The following CDYL2 variants were observed in gnomAD, a reference collection of about 807,000 sequenced individuals.
The protein encoded by CDYL2 is chromodomain Y like 2, also known as chromodomain Y-like protein 2.
CDYL2 carries 23 observed loss-of-function variants against 49.4 expected under a neutral mutation model. That is an observed-to-expected ratio of 0.47 (90% CI 0.34 to 0.66). The LOEUF is 0.66. Among genes scored for constraint, CDYL2 ranks in the 30% least tolerant of loss-of-function variants. CDYL2 has a pLI of 0.01. For missense variants in CDYL2, 678 were observed against 656.4 expected, an observed-to-expected ratio of 1.03 and a Z score of -0.36; for synonymous variants, 360 against 268.8, an observed-to-expected ratio of 1.34 and a Z score of -3.32.
chr16:80,642,487 T>C (rs780651070), intron 2 of CDYL2, among the ~76,000 whole-genome samples: 11 of 152,228 alleles, frequency 7.2e-5, no homozygotes, highest in East Asian at 1.9e-4. Flanking sequence ...TGTTTCTTTA[T>C]GCAAATAGTG....
chr16:80,634,810 A>G (rs936335887), intron 2 of CDYL2, among the ~76,000 whole-genome samples: 1 of 152,198 alleles, frequency 6.6e-6, no homozygotes, highest in African/African-American at 2.4e-5. Context: ...AAAAAAAGAA[A>G]TTGAAGGAAT....
intron 1 of CDYL2, among the ~76,000 whole-genome samples, chr16:80,705,753 C>A (rs185046769): frequency 1.6e-3 from 241 of 152,366 alleles, no homozygotes; most frequent in African/African-American, 5.6e-3. Context: ...GCAAACACAG[C>A]CACAGACAAT....
chr16:80,722,480 C>T (rs1264960084), intron 1 of CDYL2, among the ~76,000 whole-genome samples: 1 of 152,228 alleles, frequency 6.6e-6, no homozygotes, highest in Non-Finnish European at 1.5e-5. Context: ...GGATGAGACA[C>T]CTTATCGAGC....
intron 1 of CDYL2, among the ~76,000 whole-genome samples, chr16:80,785,791 G>T (rs1392557433): frequency 6.6e-6 from 1 of 152,028 alleles, no homozygotes; most frequent in African/African-American, 2.4e-5. Flanking sequence ...CAGAAAATAG[G>T]CCTCAGAAAT....
chr16:80,738,943 T>C (rs1024242047), intron 1 of CDYL2, among the ~76,000 whole-genome samples: 10 of 152,230 alleles, frequency 6.6e-5, no homozygotes, highest in African/African-American at 2.4e-4. Context: ...TTGACCACTA[T>C]TGTCTTCAGC....
intron 6 of CDYL2, among the ~76,000 whole-genome samples, chr16:80,606,617 G>C (rs1032432166): frequency 3.3e-5 from 5 of 152,094 alleles, no homozygotes; most frequent in Non-Finnish European, 7.3e-5. Flanking sequence ...CTAACCCCAG[G>C]GTGATCAACC....
At chr16:80,802,496 T>TGTTTCAA (rs1907956376) in intron 1 of CDYL2, among the ~76,000 whole-genome samples, 1 of 152,238 alleles carries the variant, frequency 6.6e-6, no homozygotes, top group Non-Finnish European at 1.5e-5. Context: ...ACCAAGGCGC[T>TGTTTCAA]TGGGTGATCC....
At chr16:80,716,450 A>G (rs1181194904) in intron 1 of CDYL2, among the ~76,000 whole-genome samples, 2 of 151,686 alleles carry the variant, frequency 1.3e-5, no homozygotes, top group Non-Finnish European at 2.9e-5. Flanking sequence ...GGATGGATGC[A>G]TGGATGGATG....
intron 1 of CDYL2, among the ~76,000 whole-genome samples, chr16:80,728,815 G>T (rs1284006023): frequency 2.0e-5 from 3 of 151,854 alleles, no homozygotes; most frequent in South Asian, 2.1e-4. Flanking sequence ...TTAAAGAAAA[G>T]AATTTTCAAC....
chr16:80,701,870 C>T (rs1904302981), intron 1 of CDYL2, among the ~76,000 whole-genome samples: 1 of 152,140 alleles, frequency 6.6e-6, no homozygotes. Flanking sequence ...TGAGAAGGCA[C>T]TTCTACAATA....
chr16:80,784,431 G>A (rs895652887), intron 1 of CDYL2, among the ~76,000 whole-genome samples: 1 of 152,126 alleles, frequency 6.6e-6, no homozygotes, highest in African/African-American at 2.4e-5. Context: ...TTAACTAAAA[G>A]TAGTGTCCAA....
intron 2 of CDYL2, among the ~76,000 whole-genome samples, chr16:80,674,592 G>A (rs923494653): frequency 3.3e-5 from 5 of 152,068 alleles, no homozygotes; most frequent in African/African-American, 9.7e-5. Flanking sequence ...ATGAAATGCC[G>A]TACCCATTAG....
chr16:80,637,021 G>A (rs4889179), intron 2 of CDYL2, among the ~76,000 whole-genome samples: 17,758 of 152,100 alleles, frequency 0.12, 1,480 homozygotes, highest in Admixed American at 0.28. Flanking sequence ...CATGGATACA[G>A]GGAGAGGAAC....
intron 1 of CDYL2, among the ~76,000 whole-genome samples, chr16:80,704,013 A>C (rs1359208378): frequency 2.0e-5 from 3 of 152,196 alleles, no homozygotes; most frequent in African/African-American, 4.8e-5. Context: ...GGAAGTGTGC[A>C]TGTTGCTGGA....
At position 80,670,882 on chromosome 16, in the gene CDYL2, C is replaced by T. The variant is rs76515952; in HGVS notation, c.616+13656G>A. 1.3e-3 allele frequency: 592 copies of T among 455,762 alleles called. 2 individuals are homozygous for T. The highest frequency in any genetic ancestry group is 1.9e-3 in the Non-Finnish European group (437 of 226,718). The allele number at this position is 455,762 out of a possible 1,614,324, so 28.2% of individuals were successfully genotyped here. A position where few individuals can be genotyped will look rare whatever the true frequency, so the allele number is the denominator to read the frequency against. On this transcript the variant is annotated intron_variant, in intron 2 of 6. Coordinates refer to ENST00000570137, the MANE Select transcript of CDYL2 (RefSeq NM_152342.4). The stretch of plus-strand genomic sequence containing the variant: ...CTCTATACACAGCATAGTCAGGTTG[C>T]GCACGAGGAAGATAAAAGGGGCTCT...
chr16:80,733,353 T>A (rs1039748279), intron 1 of CDYL2, among the ~76,000 whole-genome samples: 1 of 152,230 alleles, frequency 6.6e-6, no homozygotes, highest in Admixed American at 6.5e-5. Flanking sequence ...ATTTTATATA[T>A]CTTGTAGAAG....
At chr16:80,699,749 T>C (rs951121171) in intron 1 of CDYL2, among the ~76,000 whole-genome samples, 3 of 152,338 alleles carry the variant, frequency 2.0e-5, no homozygotes, top group Admixed American at 6.5e-5. Context: ...TTACACATTA[T>C]CTATATGTAT....
chr16:80,742,758 A>C (rs1375500855), intron 1 of CDYL2, among the ~76,000 whole-genome samples: 1 of 149,482 alleles, frequency 6.7e-6, no homozygotes, highest in Non-Finnish European at 1.5e-5. Flanking sequence ...GGGTGGATGG[A>C]TAGATGGATT....
chr16:80,652,463 A>G (rs1213094735), intron 2 of CDYL2, among the ~76,000 whole-genome samples: 1 of 152,236 alleles, frequency 6.6e-6, no homozygotes, highest in Non-Finnish European at 1.5e-5. Context: ...GAATAAATAA[A>G]TGCAGAAGAG....
Sources: gnomAD v4.1 joint callset for allele counts (sites outside exome capture counted in the v4.1 genomes callset) on GRCh38, gnomAD v4.1.1 for gene constraint, MANE v1.5 for transcripts, NCBI Gene and HGNC (gene_info 2026-07-23, HGNC 2026-07-21) for gene names.